PRMT3: variants seen among roughly 807,000 people sequenced by gnomAD.
PRMT3 encodes protein arginine N-methyltransferase 3.
PRMT3 carries 62 observed loss-of-function variants against 71.9 expected under a neutral mutation model. That is an observed-to-expected ratio of 0.86 (90% CI 0.70 to 1.07). The LOEUF (loss-of-function observed/expected upper bound fraction) is 1.07, where lower values mean the gene tolerates loss of function less well. Ranked by LOEUF, PRMT3 falls within the 50% of genes least tolerant of loss-of-function variation. The pLI is 0.00. For missense variants in PRMT3, 663 were observed against 643.0 expected, an observed-to-expected ratio of 1.03 and a Z score of -0.34; for synonymous variants, 213 against 220.4, an observed-to-expected ratio of 0.97 and a Z score of 0.30.
intron 13 of PRMT3, among the ~76,000 whole-genome samples, chr11:20,473,215 G>A (rs1270195868): frequency 6.6e-6 from 1 of 151,682 alleles, no homozygotes; most frequent in Non-Finnish European, 1.5e-5. Flanking sequence ...AGGGTTTTTT[G>A]TGTCTCTATC....
chr11:20,450,671 C>T (rs1004571696), intron 10 of PRMT3, among the ~76,000 whole-genome samples: 2 of 151,978 alleles, frequency 1.3e-5, no homozygotes, highest in African/African-American at 4.8e-5. Context: ...AGGTCAATAC[C>T]GACGTAGAGT....
chr11:20,477,364 T>G (rs1231117920), intron 13 of PRMT3, among the ~76,000 whole-genome samples: 1 of 151,760 alleles, frequency 6.6e-6, no homozygotes, highest in African/African-American at 2.4e-5. Context: ...TCACCTGAGG[T>G]CAGGGGTTCA....
intron 13 of PRMT3, among the ~76,000 whole-genome samples, chr11:20,469,856 A>G (rs1850601526): frequency 6.6e-6 from 1 of 152,160 alleles, no homozygotes; most frequent in African/African-American, 2.4e-5. Flanking sequence ...AATGACTGGT[A>G]TAGCAATTTT....
At chr11:20,456,686 G>C (rs1590077813) in intron 11 of PRMT3, among the ~76,000 whole-genome samples, 2 of 152,072 alleles carry the variant, frequency 1.3e-5, no homozygotes, top group East Asian at 1.9e-4. Flanking sequence ...TGGCAGGGGG[G>C]AGTTTAAAAT....
chr11:20,419,307 GT>G (rs1177683562), intron 9 of PRMT3, among the ~76,000 whole-genome samples: 1 of 152,106 alleles, frequency 6.6e-6, no homozygotes, highest in Non-Finnish European at 1.5e-5. Flanking sequence ...TCCTTTTTCT[GT>G]GAAATATCTG....
At chr11:20,484,393 G>C (rs1307726517) in intron 13 of PRMT3, among the ~76,000 whole-genome samples, 1 of 149,702 alleles carries the variant, frequency 6.7e-6, no homozygotes, top group African/African-American at 2.5e-5. Context: ...AGAATTGGGG[G>C]GAGTGTTACA....
intron 13 of PRMT3, among the ~76,000 whole-genome samples, chr11:20,466,214 A>G (rs1247626494): frequency 2.0e-5 from 3 of 152,184 alleles, no homozygotes; most frequent in Non-Finnish European, 4.4e-5. Context: ...GAGATTTGTT[A>G]GAGGGAATAC....
intron 10 of PRMT3, among the ~76,000 whole-genome samples, chr11:20,444,384 T>C (rs1200309205): frequency 6.6e-6 from 1 of 152,160 alleles, no homozygotes; most frequent in African/African-American, 2.4e-5. Flanking sequence ...GTGTAAGGTA[T>C]GCATATTCTA....
intron 13 of PRMT3, among the ~76,000 whole-genome samples, chr11:20,480,493 A>G (rs1850904885): frequency 6.6e-6 from 1 of 152,140 alleles, no homozygotes; most frequent in African/African-American, 2.4e-5. Flanking sequence ...TCATAGTGCT[A>G]AGAGATGGAA....
At chr11:20,406,418 T>C (rs542730688) in intron 8 of PRMT3, 8 of 152,350 alleles carry the variant, frequency 5.3e-5, no homozygotes, top group African/African-American at 1.9e-4. Flanking sequence ...TGTAACCGGC[T>C]TATTGCACTT....
chr11:20,491,089 A>G (rs562539764), intron 13 of PRMT3, among the ~76,000 whole-genome samples: 2 of 152,126 alleles, frequency 1.3e-5, no homozygotes, highest in East Asian at 3.9e-4. Context: ...ATTTCTATCA[A>G]TCTTCAAATT....
At chr11:20,394,721 G>A (rs1848788368) in intron 5 of PRMT3, among the ~76,000 whole-genome samples, 1 of 152,150 alleles carries the variant, frequency 6.6e-6, no homozygotes, top group Non-Finnish European at 1.5e-5. Context: ...GTAGCTGAAA[G>A]TGTGTACCCT....
At chr11:20,414,656 A>G (rs994307397) in intron 9 of PRMT3, among the ~76,000 whole-genome samples, 5 of 152,144 alleles carry the variant, frequency 3.3e-5, no homozygotes, top group African/African-American at 1.2e-4. Flanking sequence ...GGAATAGCTC[A>G]TTATTCAGAC....
intron 3 of PRMT3, among the ~76,000 whole-genome samples, chr11:20,391,712 C>CT (rs544091030): frequency 2.3e-4 from 35 of 152,052 alleles, no homozygotes; most frequent in East Asian, 9.6e-4. Context: ...TACTGCTTTC[C>CT]TTTGTTTTAA....
At chr11:20,491,616 C>G (rs1348512585) in intron 13 of PRMT3, among the ~76,000 whole-genome samples, 1 of 152,158 alleles carries the variant, frequency 6.6e-6, no homozygotes, top group African/African-American at 2.4e-5. Flanking sequence ...ACGGATTAGT[C>G]TGAGACTTTT....
At chr11:20,433,027 G>T (rs949343376) in intron 10 of PRMT3, among the ~76,000 whole-genome samples, 2 of 151,942 alleles carry the variant, frequency 1.3e-5, no homozygotes, top group African/African-American at 4.8e-5. Flanking sequence ...TTTCTGTGCA[G>T]AAACTTTATT....
intron 9 of PRMT3, among the ~76,000 whole-genome samples, chr11:20,424,717 C>A (rs939514595): frequency 2.0e-5 from 3 of 152,028 alleles, no homozygotes; most frequent in African/African-American, 7.2e-5. Context: ...CAAAACATAC[C>A]ATTTAAAAAA....
intron 13 of PRMT3, among the ~76,000 whole-genome samples, chr11:20,471,309 G>C (rs1404240955): frequency 1.3e-5 from 2 of 151,984 alleles, no homozygotes; most frequent in Non-Finnish European, 2.9e-5. Flanking sequence ...GTCCTTAGTA[G>C]TATTACCTAG....
At chr11:20,488,796 A>AT (rs1214722002) in intron 13 of PRMT3, among the ~76,000 whole-genome samples, 1 of 152,186 alleles carries the variant, frequency 6.6e-6, no homozygotes, top group Non-Finnish European at 1.5e-5. Flanking sequence ...TGAGAAAGTC[A>AT]TTTTTTATCC....
Sources: allele counts gnomAD v4.1 joint callset (sites outside exome capture counted in the v4.1 genomes callset), GRCh38; gene constraint gnomAD v4.1.1; transcripts MANE v1.5; gene names NCBI Gene and HGNC (gene_info 2026-07-23, HGNC 2026-07-21).